The following MUC5B variants were observed in gnomAD, a reference collection of about 807,000 sequenced individuals.
MUC5B encodes the protein mucin-5B.
A neutral mutation model predicts 376.9 loss-of-function variants in MUC5B; 116 were observed. The observed-to-expected ratio is 0.31, with a 90% confidence interval of 0.26 to 0.36. The LOEUF (loss-of-function observed/expected upper bound fraction) is 0.36, where lower values mean the gene tolerates loss of function less well. Among genes scored for constraint, MUC5B ranks in the 10% least tolerant of loss-of-function variants. MUC5B has a pLI of 1.00. For missense variants in MUC5B, 7,165 were observed against 7,769.9 expected (o/e 0.92, Z 2.93); for synonymous variants, 3,517 against 3,390.9 (o/e 1.04, Z -1.29).
In MUC5B at chr11:1,251,763, A is replaced by G. The variant is rs766412716; in HGVS notation, c.14863+20A>G. On this transcript the variant is annotated intron_variant, in intron 31 of 48. Transcript: ENST00000529681. ...CGCCCGGTGAGTGCATGTGGATAAC[A>G]CTGCTGTACCCTTTCCCCACATGCT... The G allele has an allele frequency of 1.1e-5, 16 of 1,504,760 alleles. No individual in the cohort carries two copies. The Admixed American group carries it at 1.9e-4, about 18-fold the overall frequency. 93.2% of individuals were successfully genotyped at this position (1,504,760 alleles called of 1,614,324 possible).
rs1238975351 is a variant in MUC5B at position 1,252,934 on chromosome 11, A to T, written c.15171A>T (p.Lys5057Asn). Reference sequence around the variant, plus strand: ...GCGTGAACAAGCACCTGCCCATCAAAGTGTCGGACCCGAGCCAGCCCTGTG... The same window carrying T: ...GCGTGAACAAGCACCTGCCCATCAATGTGTCGGACCCGAGCCAGCCCTGTG... Reference protein sequence around the residue: ...VTCVNKHLPIKVSDPSQPCDF... With the variant: ...VTCVNKHLPINVSDPSQPCDF... The change falls in exon 33 of 49, where the codon AAA (lysine) becomes AAT (asparagine). Residue 5057 changes from lysine (K) to asparagine (N), a missense_variant. Lys to Asn is a moderately conservative substitution (Grantham distance 94). This residue lies in a region of MUC5B where 842 missense variants were observed against 1,016.9 expected (regional missense o/e 0.83). Transcript: ENST00000529681. 4 of 1,612,540 alleles carry T rather than the reference A, an allele frequency of 2.5e-6. No homozygotes were observed. Among genetic ancestry groups the T allele is most frequent in the Non-Finnish European group, 3.4e-6 (4 of 1,179,876 alleles).
At position 1,257,043 on chromosome 11, in the gene MUC5B, G is replaced by A. The variant is rs542877154; in HGVS notation, c.16238-197G>A. Among the ~76,000 whole-genome samples, 1 of 152,292 alleles carries A rather than the reference G, an allele frequency of 6.6e-6. No individual in the cohort carries two copies. Among genetic ancestry groups the A allele is most frequent in the East Asian group, 1.9e-4 (1 of 5,164 alleles). ...AGCCCTGCCTCCCACCACCATGGAC[G>A]AGGCTTCCATGCACTGACAGCTGGG... On this transcript the variant is annotated intron_variant, in intron 39 of 48. Coordinates refer to ENST00000529681, the MANE Select transcript of MUC5B (RefSeq NM_002458.3). This position sits in a 1 kb window ranked among gnomAD's most constrained non-coding sequence, Gnocchi z 8.9.
chr11:1,223,296 C>T lies in MUC5B; in HGVS notation c.70+103C>T, dbSNP rs1861801219. On this transcript the variant is annotated intron_variant, in intron 1 of 48. Transcript: ENST00000529681. ...TCTCCTGCAGAGTGCACGGGCAGAT[C>T]CCCCTACGACTCCCTGAGTGTCCTG... is the stretch of plus-strand genomic sequence containing the variant. 6 of 697,630 alleles carry T rather than the reference C, an allele frequency of 8.6e-6. No homozygotes were observed. In the Admixed American group the frequency reaches 1.2e-4, roughly 14 times the overall value. 43.2% of individuals were successfully genotyped at this position (697,630 alleles called of 1,614,324 possible). A position where few individuals can be genotyped will look rare whatever the true frequency, so the allele number is the denominator to read the frequency against.
Position 1,248,411 on chromosome 11 carries a change from C to T in MUC5B, c.11531C>T (p.Thr3844Ile). 6.2e-7 allele frequency: 1 copy of T among 1,612,252 alleles called. No homozygotes were observed. Among genetic ancestry groups the T allele is most frequent in the East Asian group, 2.2e-5 (1 of 44,832 alleles). ...GTGCTTACCACCACGGCCACCACAA[C>T]CAGGGCCACCGGCTCTGTGGCCACC... Reference protein sequence around the residue: ...STVLTTTATTTRATGSVATPS... With the variant: ...STVLTTTATTIRATGSVATPS... Residue 3844 changes from threonine to isoleucine, a missense_variant, in exon 31 of 49, where the codon ACC becomes ATC. Thr to Ile is a moderately conservative substitution (Grantham distance 89). This residue lies in a region of MUC5B where 242 missense variants were observed against 199.0 expected (regional missense o/e 1.22). Coordinates refer to ENST00000529681, the MANE Select transcript of MUC5B (RefSeq NM_002458.3).
rs769653279 is a variant in MUC5B at position 1,239,049 on chromosome 11, G to A, written c.3454+22G>A. 2.7e-5 allele frequency: 43 copies of A among 1,566,632 alleles called. 1 individual carries two copies. In the South Asian group the frequency reaches 4.8e-4, roughly 17 times the overall value. The stretch of plus-strand genomic sequence containing the variant: ...TGCCGTGAGTCGGGCTCTGTCCGTG[G>A]TGCTGAAGGGTGGAGCTGCTGGGGC... On this transcript the variant is annotated intron_variant, in intron 26 of 48. Coordinates refer to ENST00000529681, the MANE Select transcript of MUC5B (RefSeq NM_002458.3).
chr11:1,253,684 G>T lies in MUC5B; in HGVS notation c.15218-408G>T, dbSNP rs995430753. Reference sequence around the variant, plus strand: ...CCTCTCCCAGCTTTGGGGACTCCAGGTGTCCTTTGGCTGTGGCTGCATCCC... The same window carrying T: ...CCTCTCCCAGCTTTGGGGACTCCAGTTGTCCTTTGGCTGTGGCTGCATCCC... On this transcript the variant is annotated intron_variant, in intron 33 of 48. Transcript: ENST00000529681. This position sits in a 1 kb window ranked among gnomAD's most constrained non-coding sequence, Gnocchi z 4.3. Among the ~76,000 whole-genome samples the T allele has an allele frequency of 1.3e-5, 2 of 152,072 alleles. No homozygotes were observed. Among genetic ancestry groups the T allele is most frequent in the African/African-American group, 4.8e-5 (2 of 41,388 alleles).
Position 1,250,630 on chromosome 11 carries a change from A to T in MUC5B, c.13750A>T (p.Thr4584Ser). ...CGGCTCTGTGGCCACCCCCTCCTCC[A>T]CCCCAGGAACAGCTCACACTACCAA... ...ATGSVATPSS[T>S]PGTAHTTKVP... The change falls in exon 31 of 49, where the codon ACC becomes TCC. Residue 4584 changes from threonine (T) to serine (S), a missense_variant. Coordinates refer to ENST00000529681, the MANE Select transcript of MUC5B (RefSeq NM_002458.3). 1 of 1,610,354 alleles carries T rather than the reference A, an allele frequency of 6.2e-7. No individual in the cohort carries two copies. The highest frequency in any genetic ancestry group is 1.1e-5 in the South Asian group (1 of 90,940).
chr11:1,256,861 T>C, intron 39 of MUC5B, 90 bp downstream of exon 39: 2 of 985,642 alleles, frequency 2.0e-6, no homozygotes, highest in Non-Finnish European at 2.9e-6. Context: ...CATGATGTGC[T>C]CTCCCCTCTC....
At chr11:1,238,066 C>G (rs1299273389) in intron 25 of MUC5B, among the ~76,000 whole-genome samples, 1 of 152,188 alleles carries the variant, frequency 6.6e-6, no homozygotes, top group Admixed American at 6.5e-5. Flanking sequence ...GAGAAGGCAG[C>G]TGGTGACCCC....
In MUC5B at chr11:1,247,848, C is replaced by T. The variant is rs373511434; in HGVS notation, c.10968C>T (p.Cys3656=). Residue 3656 remains cysteine, a synonymous_variant, in exon 31 of 49, where the codon TGC becomes TGT. Transcript: ENST00000529681. Reference sequence around the variant, plus strand: ...AGCAGGTGGGGAAGTTCAAGATGTGCTTCAACTATGAAATCCGTGTGTTCT... The same window carrying T: ...AGCAGGTGGGGAAGTTCAAGATGTGTTTCAACTATGAAATCCGTGTGTTCT... ...NREQVGKFKM[C]FNYEIRVFCC... is the part of the protein sequence containing the mutation. The T allele has an allele frequency of 3.0e-5, 48 of 1,608,114 alleles. No homozygotes were observed. The African/African-American group carries it at 5.5e-4, about 18-fold the overall frequency.
Position 1,230,571 on chromosome 11 carries a change from G to T in MUC5B, c.1441G>T (p.Val481Leu), listed in dbSNP as rs1162802457. Residue 481 changes from valine to leucine, a missense_variant, in exon 12 of 49, where the codon GTG (valine) becomes TTG (leucine). This residue lies in a region of MUC5B where 640 missense variants were observed against 733.0 expected (regional missense o/e 0.87). Coordinates refer to ENST00000529681, the MANE Select transcript of MUC5B (RefSeq NM_002458.3). ...LTDNENCLKA[V>L]TLSLDGGDTA... ...GGACAACGAGAACTGCCTGAAAGCG[G>T]TGACGCTCAGCCTGGACGGCGGGGA... The T allele has an allele frequency of 6.2e-7, 1 of 1,611,258 alleles. No individual in the cohort carries two copies. Among genetic ancestry groups the T allele is most frequent in the East Asian group, 2.2e-5 (1 of 44,864 alleles).
In MUC5B at chr11:1,224,992, G is replaced by A. The variant is rs186001806; in HGVS notation, c.71-689G>A. Among the ~76,000 whole-genome samples, 957 of 152,332 alleles carry A rather than the reference G, an allele frequency of 6.3e-3. 10 individuals are homozygous for A. The highest frequency in any genetic ancestry group is 0.016 in the Admixed American group (249 of 15,306). On this transcript the variant is annotated intron_variant, in intron 1 of 48. Transcript: ENST00000529681. ...TGGCCGGGGGTCCTCAGAGTCCTGT[G>A]GGTTGGAGCTGCCTCCTCCCAGCCT...
rs1862120612 is a variant in MUC5B at position 1,234,884 on chromosome 11, G to A, written c.2631-201G>A. On this transcript the variant is annotated intron_variant, in intron 21 of 48. Coordinates refer to ENST00000529681, the MANE Select transcript of MUC5B (RefSeq NM_002458.3). This position sits in a 1 kb window ranked among gnomAD's most constrained non-coding sequence, Gnocchi z 6.3. Reference sequence around the variant, plus strand: ...GCGTCCTCTGGAAGGTGGCCCAGGGGCCGTGGTGCTACCAGGAGCCTGGTG... The same window carrying A: ...GCGTCCTCTGGAAGGTGGCCCAGGGACCGTGGTGCTACCAGGAGCCTGGTG... Among the ~76,000 whole-genome samples, 1 of 152,138 alleles carries A rather than the reference G, an allele frequency of 6.6e-6. No homozygotes were observed. Among genetic ancestry groups the A allele is most frequent in the Non-Finnish European group, 1.5e-5 (1 of 67,992 alleles).
At position 1,254,077 on chromosome 11, in the gene MUC5B, ATC is replaced by A. The variant is rs1862770539; in HGVS notation, c.15218-11_15218-10del. The A allele has an allele frequency of 1.9e-6, 3 of 1,607,328 alleles. No individual in the cohort carries two copies. Among genetic ancestry groups the A allele is most frequent in the Non-Finnish European group, 2.5e-6 (3 of 1,177,762 alleles). On this transcript the variant is annotated splice_polypyrimidine_tract_variant and intron_variant, in intron 33 of 48. Transcript: ENST00000529681. ...CACCACGGAGCCTGCCAGCCCGTCC[ATC>A]TCTGTCCCGCAGGCATCTGCAGCAT...
At position 1,255,161 on chromosome 11, in the gene MUC5B, C is replaced by A. The variant is rs764418018; in HGVS notation, c.15785C>A (p.Ala5262Asp). Reference protein sequence around the residue: ...VPDSRKDGCWAPTGTPPTASP... With the variant: ...VPDSRKDGCWDPTGTPPTASP... ...GACAGCAGAAAGGATGGCTGCTGGG[C>A]CCCGACTGGCACACCCCCCACTGCC... is the stretch of plus-strand genomic sequence containing the variant. The change falls in exon 36 of 49, where the codon GCC becomes GAC. Residue 5262 changes from alanine to aspartate, a missense_variant. Coordinates refer to ENST00000529681, the MANE Select transcript of MUC5B (RefSeq NM_002458.3). 1 of 1,561,548 alleles carries A rather than the reference C, an allele frequency of 6.4e-7. No homozygotes were observed. The highest frequency in any genetic ancestry group is 1.2e-5 in the South Asian group (1 of 84,746).
Position 1,232,532 on chromosome 11 carries a change from G to A in MUC5B, c.1926G>A (p.Lys642=). 1 of 1,610,890 alleles carries A rather than the reference G, an allele frequency of 6.2e-7. No homozygotes were observed. Among genetic ancestry groups the A allele is most frequent in the Non-Finnish European group, 8.5e-7 (1 of 1,179,072 alleles). ...GCTGCCACTCCATCATCAACCCCAA[G>A]CCCTTCCACTCGGTGAGAGGCTGAG... ...FSRCHSIINP[K]PFHSNCMFDT... Residue 642 remains lysine (K), a synonymous_variant, in exon 16 of 49, where the codon AAG becomes AAA. Transcript: ENST00000529681.
Position 1,223,149 on chromosome 11 carries a change from C to A in MUC5B, c.26C>A (p.Thr9Lys). Residue 9 changes from threonine (T) to lysine (K), a missense_variant, in exon 1 of 49, where the codon ACG (threonine) becomes AAG (lysine). Physicochemically the swap from Thr to Lys is moderately conservative, Grantham distance 78 (BLOSUM62 -1). Transcript: ENST00000529681. MGAPSACR[T>K]LVLALAAMLV... The stretch of plus-strand genomic sequence containing the variant: ...ATGGGTGCCCCGAGCGCGTGCCGGA[C>A]GCTGGTGTTGGCTCTGGCGGCCATG... 1.4e-6 allele frequency: 1 copy of A among 708,642 alleles called. No homozygotes were observed. The highest frequency in any genetic ancestry group is 2.6e-6 in the Non-Finnish European group (1 of 384,496). The allele number at this position is 708,642 out of a possible 1,614,324, so 43.9% of individuals were successfully genotyped here. A position where few individuals can be genotyped will look rare whatever the true frequency, so the allele number is the denominator to read the frequency against.
intron 31 of MUC5B, 52 bp downstream of exon 31, chr11:1,251,795 A>G (rs561756262): frequency 3.8e-6 from 5 of 1,312,492 alleles, no homozygotes; most frequent in East Asian, 4.7e-5. Flanking sequence ...TGCTATGCCA[A>G]CCTGGGTCTG....
chr11:1,236,898 G>A, intron 24 of MUC5B, 27 bp from the exon 25 acceptor site: 1 of 1,407,826 alleles, frequency 7.1e-7, no homozygotes, highest in Non-Finnish European at 9.3e-7. Flanking sequence ...CCAGCTCCAG[G>A]GCCCCACTCT....
Sources: allele counts gnomAD v4.1 joint callset (sites outside exome capture counted in the v4.1 genomes callset), GRCh38; gene constraint gnomAD v4.1.1; regional missense constraint gnomAD v4.1.1; non-coding constraint Gnocchi (gnomAD v3.1); transcripts MANE v1.5; gene names NCBI Gene and HGNC (gene_info 2026-07-23, HGNC 2026-07-21).